The following EPC1 variants were observed in gnomAD, a reference collection of about 807,000 sequenced individuals.
EPC1 encodes the protein enhancer of polycomb homolog 1.
Under a neutral mutation model 98.4 loss-of-function variants are expected in EPC1, and 12 were observed. The ratio of observed to expected loss-of-function variants is 0.12; its 90% CI spans 0.08 to 0.20. The LOEUF (loss-of-function observed/expected upper bound fraction) is 0.20, where lower values mean the gene tolerates loss of function less well. Ranked by LOEUF, EPC1 falls within the 10% of genes least tolerant of loss-of-function variation. The probability of loss-of-function intolerance (pLI) is 1.00; values close to 1 mark genes in which losing one functional copy is unlikely to be tolerated. For synonymous variants in EPC1, 357 were observed against 363.9 expected, an observed-to-expected ratio of 0.98 and a Z score of 0.21; for missense variants, 729 against 990.5, an observed-to-expected ratio of 0.74 and a Z score of 3.54.
rs117355603 is a variant in EPC1, at chr10:32,274,960, G to A, written c.1745-1679C>T. ...TAGATACTTTTGCCAATATATTTGT[G>A]AGATTTACAGTTTAATTTCCTAAGT... is the stretch of plus-strand genomic sequence containing the variant. On this transcript the variant is annotated intron_variant, in intron 10 of 13. Transcript: ENST00000319778. Among the ~76,000 whole-genome samples the A allele has an allele frequency of 9.6e-3, 1,463 of 152,214 alleles. 7 individuals are homozygous for A. The highest frequency in any genetic ancestry group is 0.012 in the Non-Finnish European group (839 of 68,004).
At chr10:32,290,612 G>A (rs1409345110) in intron 6 of EPC1, among the ~76,000 whole-genome samples, 1 of 149,298 alleles carries the variant, frequency 6.7e-6, no homozygotes, top group East Asian at 2.0e-4. Context: ...CCTACAACTT[G>A]TAAAAGGAAT....
At chr10:32,287,471 T>C (rs1836752074) in intron 6 of EPC1, among the ~76,000 whole-genome samples, 197 bp from the exon 7 acceptor site, 3 of 152,216 alleles carry the variant, frequency 2.0e-5, no homozygotes, top group Admixed American at 2.0e-4. Flanking sequence ...AAATTTGTCC[T>C]ACAATCTAAA....
chr10:32,269,185 G>T, intron 13 of EPC1, 50 bp from the exon 14 acceptor site: 1 of 1,481,098 alleles, frequency 6.8e-7, no homozygotes, highest in African/African-American at 1.4e-5. Flanking sequence ...TAAATATTCA[G>T]CAAATGAACA....
chr10:32,359,388 C>T (rs938496308), intron 1 of EPC1, among the ~76,000 whole-genome samples: 9 of 152,082 alleles, frequency 5.9e-5, no homozygotes, highest in Admixed American at 1.3e-4. Context: ...AACAAATTAA[C>T]GAGAAATGTT....
chr10:32,295,850 C>G lies in EPC1; in HGVS notation c.314-2113G>C, dbSNP rs181053307. ...AACATTTCCATCATCATAGAAAGTT[C>G]TATTAAAGAGCACTGATGAAAATAA... On this transcript the variant is annotated intron_variant, in intron 2 of 13. Coordinates refer to ENST00000319778, the MANE Select transcript of EPC1 (RefSeq NM_001272004.3). 2.6e-4 allele frequency among the ~76,000 whole-genome samples: 40 copies of G among 151,910 alleles called. 1 individual carries two copies. The highest frequency in any genetic ancestry group is 1.9e-3 in the Admixed American group (29 of 15,260).
At chr10:32,358,657 G>C (rs914717366) in intron 1 of EPC1, among the ~76,000 whole-genome samples, 1 of 150,694 alleles carries the variant, frequency 6.6e-6, no homozygotes, top group Non-Finnish European at 1.5e-5. Flanking sequence ...AGCGGGGGCG[G>C]GGGGGGAAGA....
intron 1 of EPC1, among the ~76,000 whole-genome samples, chr10:32,369,610 T>G (rs1011079158): frequency 2.6e-5 from 4 of 152,162 alleles, no homozygotes; most frequent in African/African-American, 9.7e-5. Context: ...GTAAGCATAT[T>G]TTAACTCCAG....
chr10:32,345,014 C>G (rs191707572), intron 1 of EPC1: 40 of 447,240 alleles, frequency 8.9e-5, no homozygotes, highest in African/African-American at 8.3e-4. Flanking sequence ...ACAAGAATTA[C>G]AAATTAATTT....
chr10:32,341,534 T>C (rs1469332833), intron 1 of EPC1, among the ~76,000 whole-genome samples: 1 of 152,202 alleles, frequency 6.6e-6, no homozygotes, highest in Non-Finnish European at 1.5e-5. Context: ...GGCAGTACTT[T>C]TAATTAAGTC....
chr10:32,369,642 G>T (rs1429020501), intron 1 of EPC1, among the ~76,000 whole-genome samples: 4 of 152,156 alleles, frequency 2.6e-5, no homozygotes, highest in Non-Finnish European at 5.9e-5. Flanking sequence ...ATGTGCTGTC[G>T]AAAGTACTGC....
At chr10:32,274,053 C>CA (rs1327984951) in intron 10 of EPC1, 2 of 149,062 alleles carry the variant, frequency 1.3e-5, no homozygotes, top group African/African-American at 4.9e-5. Flanking sequence ...AAAAAACAAA[C>CA]AAAAAAATGT....
intron 2 of EPC1, among the ~76,000 whole-genome samples, chr10:32,300,328 T>C (rs535884248): frequency 1.4e-3 from 213 of 152,212 alleles, no homozygotes; most frequent in African/African-American, 4.9e-3. Flanking sequence ...ATGTGCCATG[T>C]TGGTGTGCTG....
intron 10 of EPC1, among the ~76,000 whole-genome samples, chr10:32,278,663 A>G (rs548264556): frequency 6.6e-6 from 1 of 152,274 alleles, no homozygotes; most frequent in Admixed American, 6.5e-5. Context: ...CCAAATGCCT[A>G]AAGACCCTGA....
intron 1 of EPC1, among the ~76,000 whole-genome samples, chr10:32,357,151 C>A (rs142500084): frequency 7.2e-5 from 11 of 152,268 alleles, no homozygotes; most frequent in Non-Finnish European, 1.2e-4. Context: ...TCATCCTCAG[C>A]GCCTCCCATG....
In EPC1 at chr10:32,346,832, C is replaced by A. The variant is rs1175124196; in HGVS notation, c.84G>T (p.Leu28=). Residue 28 remains leucine, a synonymous_variant, in exon 1 of 14, where the codon CTG becomes CTT. Transcript: ENST00000319778. The part of the protein sequence containing the change: ...PVFRCEDLPD[L]HEYASINRAV... ...CCCTGTTTATCGAGGCGTATTCGTGCAGGTCGGGCAGATCCTCACAGCGGA... is the reference window on the plus strand; with the variant it reads ...CCCTGTTTATCGAGGCGTATTCGTGAAGGTCGGGCAGATCCTCACAGCGGA... 6.2e-7 allele frequency: 1 copy of A among 1,614,208 alleles called. No homozygotes were observed. Among genetic ancestry groups the A allele is most frequent in the Admixed American group, 1.7e-5 (1 of 60,036 alleles).
At chr10:32,304,850 T>A (rs1592574766) in intron 2 of EPC1, among the ~76,000 whole-genome samples, 2 of 140,562 alleles carry the variant, frequency 1.4e-5, no homozygotes, top group South Asian at 4.4e-4. Flanking sequence ...ACCCAGGAGG[T>A]GGAGGTTGTG....
At chr10:32,342,091 A>G (rs763955883) in intron 1 of EPC1, among the ~76,000 whole-genome samples, 94 of 146,288 alleles carry the variant, frequency 6.4e-4, no homozygotes, top group Non-Finnish European at 1.1e-3. Flanking sequence ...TTTTATCTGA[A>G]GTAATTGTAA....
At chr10:32,340,987 A>G (rs537213467) in intron 1 of EPC1, among the ~76,000 whole-genome samples, 1 of 152,332 alleles carries the variant, frequency 6.6e-6, no homozygotes, top group Admixed American at 6.5e-5. Context: ...AAGTAAATAC[A>G]TACTCTAGTT....
At chr10:32,339,858 G>A (rs543753360) in intron 1 of EPC1, among the ~76,000 whole-genome samples, 1 of 152,192 alleles carries the variant, frequency 6.6e-6, no homozygotes, top group South Asian at 2.1e-4. Flanking sequence ...GTGACGTTAA[G>A]TGACTTGTCA....
Sources: allele counts gnomAD v4.1 joint callset (sites outside exome capture counted in the v4.1 genomes callset), GRCh38; gene constraint gnomAD v4.1.1; transcripts MANE v1.5; gene names NCBI Gene and HGNC (gene_info 2026-07-23, HGNC 2026-07-21).